The following OR2F1 variants were observed in gnomAD, a reference collection of about 807,000 sequenced individuals.
OR2F1 encodes olfactory receptor family 2 subfamily F member 1.
For synonymous variants in OR2F1, 146 were observed against 155.3 expected (o/e 0.94, Z 0.44); for missense variants, 389 against 378.2 (o/e 1.03, Z -0.24).
At position 143,961,580 on chromosome 7, in the gene OR2F1, T is replaced by C. The variant is rs528383154; in HGVS notation, c.*656T>C. The C allele has an allele frequency of 1.4e-4, 21 of 152,436 alleles. No individual in the cohort carries two copies. The highest frequency in any genetic ancestry group is 3.4e-3 in the Middle Eastern group (1 of 294). The allele number at this position is 152,436 out of a possible 1,614,324, so 9.4% of individuals were successfully genotyped here. On this transcript the variant is annotated 3_prime_UTR_variant, in exon 3 of 3. Transcript: ENST00000641412. ...CAATGGTTGTTTGTACTGAAGACAA[T>C]TATTGACCAAGAAAAGTTAAGCTTC...
At chr7:143,958,067 T>C (rs1396692504) in intron 1 of OR2F1, among the ~76,000 whole-genome samples, 1 of 152,086 alleles carries the variant, frequency 6.6e-6, no homozygotes, top group East Asian at 1.9e-4. Context: ...GAGGAGCAAA[T>C]GATACGGTGA....
chr7:143,960,170 C>T lies in OR2F1; in HGVS notation c.200C>T (p.Ser67Phe). 1 of 1,614,190 alleles carries T rather than the reference C, an allele frequency of 6.2e-7. No individual in the cohort carries two copies. The highest frequency in any genetic ancestry group is 8.5e-7 in the Non-Finnish European group (1 of 1,180,044). The part of the protein sequence containing the change: ...TPMYFFLTNL[S>F]LVDVSYATSV... ...ATGTATTTCTTTCTCACCAACCTCT[C>T]CCTTGTCGATGTCTCCTATGCCACA... The change falls in exon 3 of 3, where the codon TCC (serine) becomes TTC (phenylalanine). Residue 67 changes from serine (S) to phenylalanine (F), a missense_variant. Transcript: ENST00000641412.
At chr7:143,959,579 G>A (rs1235406089) in intron 2 of OR2F1, among the ~76,000 whole-genome samples, 2 of 152,130 alleles carry the variant, frequency 1.3e-5, no homozygotes, top group African/African-American at 4.8e-5. Context: ...CATGTTTAAG[G>A]TAATTTGTTA....
chr7:143,960,786 G>C lies in OR2F1; in HGVS notation c.816G>C (p.Lys272Asn). The C allele has an allele frequency of 1.2e-6, 2 of 1,614,156 alleles. No individual in the cohort carries two copies. Among genetic ancestry groups the C allele is most frequent in the Non-Finnish European group, 1.7e-6 (2 of 1,180,036 alleles). Residue 272 changes from lysine to asparagine, a missense_variant, in exon 3 of 3, where the codon AAG becomes AAC. Lys to Asn is a moderately conservative substitution (Grantham distance 94, BLOSUM62 0). Coordinates refer to ENST00000641412, the MANE Select transcript of OR2F1 (RefSeq NM_012369.3). ...PHSSPSVLQE[K>N]LFSVFYAILT... ...CCAGTCCCTCTGTCCTTCAGGAGAAGTTGTTCTCTGTCTTTTATGCCATTT... is the reference window on the plus strand; with the variant it reads ...CCAGTCCCTCTGTCCTTCAGGAGAACTTGTTCTCTGTCTTTTATGCCATTT...
intron 2 of OR2F1, among the ~76,000 whole-genome samples, chr7:143,959,586 G>C (rs183419545): frequency 6.6e-6 from 1 of 152,240 alleles, no homozygotes; most frequent in East Asian, 1.9e-4. Flanking sequence ...AAGGTAATTT[G>C]TTAACTTTCC....
At chr7:143,958,749 G>A (rs2050302797) in intron 1 of OR2F1, among the ~76,000 whole-genome samples, 1 of 151,838 alleles carries the variant, frequency 6.6e-6, no homozygotes, top group Non-Finnish European at 1.5e-5. Flanking sequence ...GTTCAAAATT[G>A]ATGCTATAAC....
rs772476191 is a variant in OR2F1 at position 143,960,612 on chromosome 7, T to A, written c.642T>A (p.Val214=). The part of the protein sequence containing the change: ...IVLLMTPFCL[V]LLSYIQIIST... ...TTCTGATGACACCCTTCTGCCTGGT[T>A]CTTTTGTCCTACATCCAGATCATCT... Residue 214 remains valine, a synonymous_variant, in exon 3 of 3, where the codon GTT becomes GTA. Transcript: ENST00000641412. 23 of 1,614,068 alleles carry A rather than the reference T, an allele frequency of 1.4e-5. No individual in the cohort carries two copies. The highest frequency in any genetic ancestry group is 5.1e-6 in the Non-Finnish European group (6 of 1,180,048).
chr7:143,960,264 A>T lies in OR2F1; in HGVS notation c.294A>T (p.Ala98=). ...AAGCCATCCCATTCCAGAGCTGTGC[A>T]GCCCAGTTATTTTTCTCCCTGGCCT... ...EHKAIPFQSC[A]AQLFFSLALG... The change falls in exon 3 of 3, where the codon GCA becomes GCT. Residue 98 remains alanine (A), a synonymous_variant. Coordinates refer to ENST00000641412, the MANE Select transcript of OR2F1 (RefSeq NM_012369.3). The T allele has an allele frequency of 6.2e-7, 1 of 1,614,180 alleles. No individual in the cohort carries two copies. Among genetic ancestry groups the T allele is most frequent in the Non-Finnish European group, 8.5e-7 (1 of 1,180,026 alleles).
intron 1 of OR2F1, among the ~76,000 whole-genome samples, chr7:143,956,802 C>G (rs1040946462): frequency 6.6e-6 from 1 of 152,002 alleles, no homozygotes; most frequent in African/African-American, 2.4e-5. Flanking sequence ...TCTGGCAACT[C>G]TAGCAGATGG....
In OR2F1 at chr7:143,961,019, G is replaced by A; in HGVS notation, c.*95G>A. Reference sequence around the variant, plus strand: ...TAAACTACATTGCCCTGGCAACCAGGAAGGAGATGACGTAGCATGTACTGT... The same window carrying A: ...TAAACTACATTGCCCTGGCAACCAGAAAGGAGATGACGTAGCATGTACTGT... On this transcript the variant is annotated 3_prime_UTR_variant, in exon 3 of 3. Transcript: ENST00000641412. The A allele has an allele frequency of 1.1e-6, 1 of 909,034 alleles. No homozygotes were observed. 56.3% of individuals were successfully genotyped at this position (909,034 alleles called of 1,614,324 possible).
chr7:143,960,759 C>T lies in OR2F1; in HGVS notation c.789C>T (p.His263=), dbSNP rs1189227467. Residue 263 remains histidine (H), a synonymous_variant, in exon 3 of 3, where the codon CAC becomes CAT. Transcript: ENST00000641412. Reference sequence around the variant, plus strand: ...CCATTTTCACTTACATCCAGCCCCACTCCAGTCCCTCTGTCCTTCAGGAGA... The same window carrying T: ...CCATTTTCACTTACATCCAGCCCCATTCCAGTCCCTCTGTCCTTCAGGAGA... ...GVAIFTYIQP[H]SSPSVLQEKL... is the part of the protein sequence containing the mutation. 3 of 1,614,192 alleles carry T rather than the reference C, an allele frequency of 1.9e-6. No individual in the cohort carries two copies. Among genetic ancestry groups the T allele is most frequent in the African/African-American group, 2.7e-5 (2 of 75,050 alleles).
chr7:143,958,250 C>T (rs2050298775), intron 1 of OR2F1, among the ~76,000 whole-genome samples: 1 of 152,166 alleles, frequency 6.6e-6, no homozygotes, highest in African/African-American at 2.4e-5. Context: ...CAATAGTTGA[C>T]AGGTTTTCTT....
chr7:143,957,914 C>G (rs550962397), intron 1 of OR2F1, among the ~76,000 whole-genome samples: 34 of 152,254 alleles, frequency 2.2e-4, no homozygotes, highest in East Asian at 1.5e-3. Context: ...AAAACAGGAG[C>G]TGTTAGACTC....
chr7:143,958,751 T>C (rs2050302839), intron 1 of OR2F1, among the ~76,000 whole-genome samples: 1 of 152,158 alleles, frequency 6.6e-6, no homozygotes, highest in South Asian at 2.1e-4. Flanking sequence ...TCAAAATTGA[T>C]GCTATAACAT....
Position 143,961,093 on chromosome 7 carries a change from G to T in OR2F1, c.*169G>T, listed in dbSNP as rs966646036. 4 of 605,324 alleles carry T rather than the reference G, an allele frequency of 6.6e-6. No homozygotes were observed. The highest frequency in any genetic ancestry group is 1.2e-5 in the Non-Finnish European group (4 of 336,282). 37.5% of individuals were successfully genotyped at this position (605,324 alleles called of 1,614,324 possible). A position where few individuals can be genotyped will look rare whatever the true frequency, so the allele number is the denominator to read the frequency against. ...GGTTCAATTGGATGGGGTGTGGGAC[G>T]TGGGGTTATATTTATGAACAGTGGA... On this transcript the variant is annotated 3_prime_UTR_variant, in exon 3 of 3. Transcript: ENST00000641412.
At position 143,964,037 on chromosome 7, in the gene OR2F1, A is replaced by G. The variant is rs1298478223; in HGVS notation, c.*3113A>G. 6.6e-6 allele frequency: 1 copy of G among 152,150 alleles called. No individual in the cohort carries two copies. Among genetic ancestry groups the G allele is most frequent in the Non-Finnish European group, 1.5e-5 (1 of 68,020 alleles). The allele number at this position is 152,150 out of a possible 1,614,324, so 9.4% of individuals were successfully genotyped here. Reference sequence around the variant, plus strand: ...TTCCATCTATTAAATTTCAATTTTTATCTTTTTTATTTGATAGAGTTTTTA... The same window carrying G: ...TTCCATCTATTAAATTTCAATTTTTGTCTTTTTTATTTGATAGAGTTTTTA... On this transcript the variant is annotated 3_prime_UTR_variant, in exon 3 of 3. Coordinates refer to ENST00000641412, the MANE Select transcript of OR2F1 (RefSeq NM_012369.3).
At chr7:143,957,744 C>T (rs775773622) in intron 1 of OR2F1, among the ~76,000 whole-genome samples, 4 of 152,168 alleles carry the variant, frequency 2.6e-5, no homozygotes, top group African/African-American at 7.2e-5. Flanking sequence ...CTGCCTGTTT[C>T]GGCACTTCTG....
chr7:143,960,040 C>T lies in OR2F1; in HGVS notation c.70C>T (p.Arg24Trp), dbSNP rs1036239256. 123 of 1,613,914 alleles carry T rather than the reference C, an allele frequency of 7.6e-5. No individual in the cohort carries two copies. The Middle Eastern group carries it at 9.9e-4, about 13-fold the overall frequency. ...CGGCCTGTCCAGTGACTGGGACACT[C>T]GGGTCTCCCTGTTTGTCCTGTTCTT... ...LLGLSSDWDT[R>W]VSLFVLFLVM... Residue 24 changes from arginine to tryptophan, a missense_variant, in exon 3 of 3, where the codon CGG (arginine) becomes TGG (tryptophan). Coordinates refer to ENST00000641412, the MANE Select transcript of OR2F1 (RefSeq NM_012369.3).
Position 143,960,818 on chromosome 7 carries a change from C to A in OR2F1, c.848C>A (p.Pro283Gln), listed in dbSNP as rs201462946. 14 of 1,614,084 alleles carry A rather than the reference C, an allele frequency of 8.7e-6. No individual in the cohort carries two copies. In the East Asian group the frequency reaches 2.0e-4, roughly 23 times the overall value. ...TCTGTCTTTTATGCCATTTTAACACCAATGCTGAACCCCATGATTTACAGC... is the reference window on the plus strand; with the variant it reads ...TCTGTCTTTTATGCCATTTTAACACAAATGCTGAACCCCATGATTTACAGC... ...LFSVFYAILT[P>Q]MLNPMIYSLR... is the part of the protein sequence containing the mutation. The change falls in exon 3 of 3, where the codon CCA becomes CAA. Residue 283 changes from proline (P) to glutamine (Q), a missense_variant. Coordinates refer to ENST00000641412, the MANE Select transcript of OR2F1 (RefSeq NM_012369.3).
Sources: allele counts gnomAD v4.1 joint callset (sites outside exome capture counted in the v4.1 genomes callset), GRCh38; gene constraint gnomAD v4.1.1; transcripts MANE v1.5; gene names NCBI Gene and HGNC (gene_info 2026-07-23, HGNC 2026-07-21).